Variants in MDN1 observed in about 807,000 individuals in gnomAD.
MDN1 encodes midasin.
In MDN1, 266 loss-of-function variants were observed where a neutral mutation model predicts 669.2. The ratio of observed to expected loss-of-function variants is 0.40; its 90% CI spans 0.36 to 0.44. MDN1 has a LOEUF of 0.44. MDN1 is among the 20% of genes least tolerant of loss of function. The probability of loss-of-function intolerance (pLI) is 1.00; values close to 1 mark genes in which losing one functional copy is unlikely to be tolerated. For synonymous variants in MDN1, 2,385 were observed against 2,457.1 expected (o/e 0.97, Z 0.87); for missense variants, 5,940 against 6,754.0 (o/e 0.88, Z 4.22).
chr6:89,796,407 C>A (rs1819615772), intron 2 of MDN1, among the ~76,000 whole-genome samples: 1 of 145,984 alleles, frequency 6.9e-6, no homozygotes, highest in Non-Finnish European at 1.5e-5. Flanking sequence ...TATGTACAGA[C>A]CAATAAGTAA....
At chr6:89,794,880 A>G in intron 2 of MDN1, 79 bp from the exon 3 acceptor site, 1 of 1,143,048 alleles carries the variant, frequency 8.7e-7, no homozygotes, top group Non-Finnish European at 1.3e-6. Flanking sequence ...TAGGTTTATC[A>G]GAGTATTAAA....
intron 101 of MDN1, among the ~76,000 whole-genome samples, chr6:89,644,678 C>G (rs1002616053): frequency 6.6e-6 from 1 of 152,228 alleles, no homozygotes; most frequent in Non-Finnish European, 1.5e-5. Flanking sequence ...TACCCATTAT[C>G]AAGGCTGCAA....
intron 23 of MDN1, among the ~76,000 whole-genome samples, chr6:89,750,840 T>C (rs1816898060): frequency 6.6e-6 from 1 of 152,026 alleles, no homozygotes; most frequent in Admixed American, 6.6e-5. Context: ...TGGGCTCAAG[T>C]GATCCGACCG....
At chr6:89,790,023 G>A (rs2128326371) in intron 6 of MDN1, 112 bp from the exon 7 acceptor site, 1 of 1,579,762 alleles carries the variant, frequency 6.3e-7, no homozygotes, top group Non-Finnish European at 8.6e-7. Context: ...GTAGGCACTT[G>A]AGGTTTACAT....
At chr6:89,683,988 C>T in intron 71 of MDN1, 84 bp from the exon 72 acceptor site, 2 of 1,013,870 alleles carry the variant, frequency 2.0e-6, no homozygotes, top group South Asian at 1.3e-5. Context: ...CAGCAAAGAC[C>T]AGAGCTCACT....
At chr6:89,668,693 C>CA (rs1175555330) in intron 83 of MDN1, among the ~76,000 whole-genome samples, 1 of 151,982 alleles carries the variant, frequency 6.6e-6, no homozygotes, top group African/African-American at 2.4e-5. Flanking sequence ...TGGGAATGCA[C>CA]AAAAAAATAA....
At chr6:89,705,389 T>C (rs889905091) in intron 53 of MDN1, among the ~76,000 whole-genome samples, 1 of 152,232 alleles carries the variant, frequency 6.6e-6, no homozygotes, top group Admixed American at 6.5e-5. Context: ...CTGGCTGCTC[T>C]ACTTTACTAG....
rs1811905943 is a variant in MDN1 at position 89,684,924 on chromosome 6, G to C, written c.11781C>G (p.Val3927=). Residue 3927 remains valine, a synonymous_variant, in exon 71 of 102, where the codon GTC becomes GTG. Transcript: ENST00000369393. ...AACGAAGTTCCACAATTTTGGCCTG[G>C]ACCCGGTCAAAGAATTGCTTGTAAT... ...YHYYKQFFDR[V]QAKIVELRSP... is the part of the protein sequence containing the mutation. 1 of 1,613,582 alleles carries C rather than the reference G, an allele frequency of 6.2e-7. No homozygotes were observed. Among genetic ancestry groups the C allele is most frequent in the African/African-American group, 1.3e-5 (1 of 75,012 alleles).
Position 89,673,394 on chromosome 6 carries a change from A to G in MDN1, c.13316T>C (p.Leu4439Pro). ...LSQVSVHLQG[L>P]ESLFILPGME... ...CCCTGGAAGAATGAACAAGGACTCTAGGCCCTGCAAATGAACTGACACCTG... is the reference window on the plus strand; with the variant it reads ...CCCTGGAAGAATGAACAAGGACTCTGGGCCCTGCAAATGAACTGACACCTG... The change falls in exon 80 of 102, where the codon CTA (leucine) becomes CCA (proline). Residue 4439 changes from leucine to proline, a missense_variant. Leu to Pro is a moderately conservative substitution (Grantham distance 98). Transcript: ENST00000369393. 1 of 1,614,180 alleles carries G rather than the reference A, an allele frequency of 6.2e-7. No individual in the cohort carries two copies. Among genetic ancestry groups the G allele is most frequent in the East Asian group, 2.2e-5 (1 of 44,880 alleles).
intron 63 of MDN1, among the ~76,000 whole-genome samples, 180 bp from the exon 64 acceptor site, chr6:89,691,014 G>A (rs1322302044): frequency 6.6e-6 from 1 of 152,228 alleles, no homozygotes; most frequent in Non-Finnish European, 1.5e-5. Context: ...TTTTCCAAGT[G>A]TGTAGCCTCA....
intron 1 of MDN1, among the ~76,000 whole-genome samples, chr6:89,813,584 A>C (rs1768600153): frequency 1.3e-5 from 2 of 151,376 alleles, no homozygotes. Context: ...GAAAGAAATT[A>C]GCCAGGCATG....
chr6:89,720,922 C>T (rs762781790), intron 40 of MDN1, among the ~76,000 whole-genome samples: 5 of 152,060 alleles, frequency 3.3e-5, no homozygotes, highest in Non-Finnish European at 5.9e-5. Flanking sequence ...ATTGCTTGAG[C>T]CCAGGAGTAC....
intron 50 of MDN1, among the ~76,000 whole-genome samples, chr6:89,709,497 A>G (rs757190675): frequency 6.6e-6 from 1 of 152,204 alleles, no homozygotes; most frequent in Non-Finnish European, 1.5e-5. Context: ...AAAAGTTACA[A>G]TCCTCTCATA....
chr6:89,790,080 T>C (rs1584375388), intron 6 of MDN1, 79 bp downstream of exon 6: 1 of 1,603,442 alleles, frequency 6.2e-7, no homozygotes, highest in South Asian at 1.1e-5. Flanking sequence ...TATTGTTATA[T>C]TCCCTTAGCA....
chr6:89,690,626 C>A (rs1812319887), intron 64 of MDN1, 47 bp downstream of exon 64: 2 of 1,604,586 alleles, frequency 1.2e-6, no homozygotes, highest in African/African-American at 2.7e-5. Context: ...ATGTATATGG[C>A]ATCAAGGGAA....
At chr6:89,661,991 C>A (rs889919017) in intron 87 of MDN1, 96 bp downstream of exon 87, 2 of 1,427,798 alleles carry the variant, frequency 1.4e-6, no homozygotes, top group African/African-American at 1.4e-5. Flanking sequence ...AGTCGACGAA[C>A]AGGGGAAAAA....
chr6:89,804,980 T>A (rs1334643333), intron 1 of MDN1, among the ~76,000 whole-genome samples: 1 of 129,032 alleles, frequency 7.8e-6, no homozygotes, highest in Non-Finnish European at 1.5e-5. Context: ...GAGCCTGTAG[T>A]GAGCCGAGAT....
At position 89,706,168 on chromosome 6, in the gene MDN1, G is replaced by A; in HGVS notation, c.8039C>T (p.Pro2680Leu). ...HQDPESYHTL[P>L]HEIVVNLAAF... is the part of the protein sequence containing the mutation. The stretch of plus-strand genomic sequence containing the variant: ...AGCAAGATTGACCACAATTTCATGG[G>A]GCAGAGTGTGATAGCTTTCTGGATC... The change falls in exon 53 of 102, where the codon CCC becomes CTC. Residue 2680 changes from proline (P) to leucine (L), a missense_variant. This residue lies in a region of MDN1 where 2,292 missense variants were observed against 2,638.3 expected (regional missense o/e 0.87). Coordinates refer to ENST00000369393, the MANE Select transcript of MDN1 (RefSeq NM_014611.3). 1.2e-6 allele frequency: 2 copies of A among 1,613,094 alleles called. No individual in the cohort carries two copies. Among genetic ancestry groups the A allele is most frequent in the South Asian group, 1.1e-5 (1 of 90,922 alleles).
At position 89,787,905 on chromosome 6, in the gene MDN1, C is replaced by G. The variant is rs149996990; in HGVS notation, c.1283G>C (p.Arg428Pro). The G allele has an allele frequency of 1.2e-6, 2 of 1,613,674 alleles. No homozygotes were observed. Among genetic ancestry groups the G allele is most frequent in the African/African-American group, 2.7e-5 (2 of 75,004 alleles). Residue 428 changes from arginine to proline, a missense_variant, in exon 8 of 102, where the codon CGA becomes CCA. Transcript: ENST00000369393. ...AGGTGCCACTTTCAGACAGTCACCT[C>G]GGCCAGGAATCAAGAGCTCTCCATT... Reference protein sequence around the residue: ...LENGELLIPGRGDCLKVAPGF... With the variant: ...LENGELLIPGPGDCLKVAPGF...
Sources: allele counts gnomAD v4.1 joint callset (sites outside exome capture counted in the v4.1 genomes callset), GRCh38; gene constraint gnomAD v4.1.1; regional missense constraint gnomAD v4.1.1; transcripts MANE v1.5; gene names NCBI Gene and HGNC (gene_info 2026-07-23, HGNC 2026-07-21).